The following NKAIN2 variants were observed in gnomAD, a reference collection of about 807,000 sequenced individuals.
The protein encoded by NKAIN2 is sodium/potassium transporting ATPase interacting 2.
In NKAIN2, 14 loss-of-function variants were observed where a neutral mutation model predicts 32.6. That is an observed-to-expected ratio of 0.43 (90% CI 0.28 to 0.67). The LOEUF (loss-of-function observed/expected upper bound fraction) is 0.67. Ranked by LOEUF, NKAIN2 falls within the 30% of genes least tolerant of loss-of-function variation. The probability of loss-of-function intolerance (pLI) is 0.17; values close to 1 mark genes in which losing one functional copy is unlikely to be tolerated. For missense variants in NKAIN2, 198 were observed against 258.3 expected (o/e 0.77, Z 1.60); for synonymous variants, 80 against 87.2 (o/e 0.92, Z 0.46).
intron 1 of NKAIN2, among the ~76,000 whole-genome samples, chr6:124,240,214 A>G (rs1793009537): frequency 6.6e-6 from 1 of 152,188 alleles, no homozygotes; most frequent in African/African-American, 2.4e-5. Context: ...AAATCCCTAA[A>G]TAGACCAATA....
intron 2 of NKAIN2, among the ~76,000 whole-genome samples, chr6:124,305,776 T>C (rs2114988293): frequency 6.6e-6 from 1 of 152,324 alleles, no homozygotes; most frequent in African/African-American, 2.4e-5. Context: ...TTATTTCTGG[T>C]CCATTTGGTT....
At chr6:124,021,948 A>G (rs1436452406) in intron 1 of NKAIN2, among the ~76,000 whole-genome samples, 1 of 152,044 alleles carries the variant, frequency 6.6e-6, no homozygotes, top group Non-Finnish European at 1.5e-5. Flanking sequence ...ACAACGTGCA[A>G]GTTTTTTACA....
At chr6:124,196,801 ATTTAT>A (rs1395620818) in intron 1 of NKAIN2, among the ~76,000 whole-genome samples, 17 of 151,668 alleles carry the variant, frequency 1.1e-4, no homozygotes, top group African/African-American at 3.6e-4. Flanking sequence ...GGTGATTTTA[ATTTAT>A]TTTATAAAAG....
chr6:124,314,538 A>G (rs774505851), intron 2 of NKAIN2, among the ~76,000 whole-genome samples: 4 of 152,146 alleles, frequency 2.6e-5, no homozygotes, highest in Admixed American at 1.3e-4. Context: ...TGATGTTGCA[A>G]ATAAAGCCTG....
Position 124,602,145 on chromosome 6 carries a change from G to T in NKAIN2, c.274-56041G>T, listed in dbSNP as rs1287343626. 2.6e-5 allele frequency among the ~76,000 whole-genome samples: 4 copies of T among 151,920 alleles called. No individual in the cohort carries two copies. The East Asian group carries it at 7.7e-4, about 29-fold the overall frequency. Reference sequence around the variant, plus strand: ...CTAAATGTATGTTGGATGGATTAATGAATAAATTAATGAAGGGAATATAGT... The same window carrying T: ...CTAAATGTATGTTGGATGGATTAATTAATAAATTAATGAAGGGAATATAGT... On this transcript the variant is annotated intron_variant, in intron 3 of 6. Coordinates refer to ENST00000368417, the MANE Select transcript of NKAIN2 (RefSeq NM_001040214.3).
intron 1 of NKAIN2, among the ~76,000 whole-genome samples, chr6:123,861,697 C>T (rs1220206627): frequency 6.6e-6 from 1 of 152,136 alleles, no homozygotes; most frequent in Non-Finnish European, 1.5e-5. Flanking sequence ...TTATCTTCAT[C>T]CGTGTAGAAA....
At chr6:124,547,556 A>G in intron 3 of NKAIN2, among the ~76,000 whole-genome samples, 1 of 152,228 alleles carries the variant, frequency 6.6e-6, no homozygotes, top group East Asian at 1.9e-4. Flanking sequence ...CCAGCAGCTT[A>G]AAAGCAAACC....
chr6:123,876,374 T>G (rs111323108), intron 1 of NKAIN2, among the ~76,000 whole-genome samples: 1 of 152,196 alleles, frequency 6.6e-6, no homozygotes, highest in Non-Finnish European at 1.5e-5. Context: ...CAGCTTTGCA[T>G]ATACATAGCT....
chr6:124,041,674 A>G (rs918060423), intron 1 of NKAIN2, among the ~76,000 whole-genome samples: 1 of 152,098 alleles, frequency 6.6e-6, no homozygotes, highest in Non-Finnish European at 1.5e-5. Context: ...GTTGCTATTA[A>G]TAAAGTAGAA....
intron 4 of NKAIN2, among the ~76,000 whole-genome samples, chr6:124,703,066 A>G (rs1474852002): frequency 1.3e-5 from 2 of 152,100 alleles, no homozygotes; most frequent in Non-Finnish European, 2.9e-5. Context: ...ACTTGTTTCC[A>G]TCATTCTACT....
At chr6:123,946,720 G>C (rs1179447217) in intron 1 of NKAIN2, among the ~76,000 whole-genome samples, 1 of 152,114 alleles carries the variant, frequency 6.6e-6, no homozygotes, top group Non-Finnish European at 1.5e-5. Context: ...TAATTGTTTA[G>C]ATTTCTAGGG....
At chr6:124,130,175 G>T (rs550691321) in intron 1 of NKAIN2, among the ~76,000 whole-genome samples, 1 of 152,270 alleles carries the variant, frequency 6.6e-6, no homozygotes, top group South Asian at 2.1e-4. Context: ...GAGAAAGGTG[G>T]CTACCCAAGG....
chr6:123,833,669 A>G (rs1029414995), intron 1 of NKAIN2, among the ~76,000 whole-genome samples: 35 of 146,954 alleles, frequency 2.4e-4, no homozygotes, highest in African/African-American at 8.3e-4. Flanking sequence ...GGTTGTTCTT[A>G]AGCAAAAGGT....
At chr6:124,456,781 A>G (rs1481274229) in intron 3 of NKAIN2, among the ~76,000 whole-genome samples, 1 of 151,706 alleles carries the variant, frequency 6.6e-6, no homozygotes, top group Non-Finnish European at 1.5e-5. Flanking sequence ...GTATTATTTT[A>G]TGTTATTTTA....
In NKAIN2 at chr6:124,634,684, CTAA is replaced by C. The variant is rs1783704715; in HGVS notation, c.274-23501_274-23499del. On this transcript the variant is annotated intron_variant, in intron 3 of 6. Transcript: ENST00000368417. ...GAAAACCTATTTAATGAAATAATAA[CTAA>C]AAATTTTCCAAGTTTTAGAAGAGAT... Among the ~76,000 whole-genome samples, 4 of 152,040 alleles carry C rather than the reference CTAA, an allele frequency of 2.6e-5. No individual in the cohort carries two copies. The South Asian group carries it at 8.3e-4, about 32-fold the overall frequency.
At chr6:124,198,732 T>C (rs976054057) in intron 1 of NKAIN2, among the ~76,000 whole-genome samples, 3 of 152,120 alleles carry the variant, frequency 2.0e-5, no homozygotes, top group Admixed American at 2.0e-4. Context: ...ATTCTGCTCC[T>C]GCCTGTCTGC....
At position 124,797,169 on chromosome 6, in the gene NKAIN2, CAAAA is replaced by C. The variant is rs563319426; in HGVS notation, c.535+5790_535+5793del. Among the ~76,000 whole-genome samples the C allele has an allele frequency of 5.1e-3, 448 of 87,120 alleles. 1 individual carries two copies. Among genetic ancestry groups the C allele is most frequent in the African/African-American group, 0.02 (430 of 21,464 alleles). 57.2% of individuals were successfully genotyped at this position (87,120 alleles called of 152,430 possible). A position where few individuals can be genotyped will look rare whatever the true frequency, so the allele number is the denominator to read the frequency against. ...AGAAAATATTGCTAATCCATGTTAG[CAAAA>C]AAAAAAAAAAAAAAAAAAATCATCA... is the stretch of plus-strand genomic sequence containing the variant. On this transcript the variant is annotated intron_variant, in intron 5 of 6. Coordinates refer to ENST00000368417, the MANE Select transcript of NKAIN2 (RefSeq NM_001040214.3).
At chr6:124,667,674 G>T (rs1772872618) in intron 4 of NKAIN2, among the ~76,000 whole-genome samples, 1 of 151,926 alleles carries the variant, frequency 6.6e-6, no homozygotes, top group African/African-American at 2.4e-5. Flanking sequence ...TTCTAAACAT[G>T]GTGATAGGAC....
intron 1 of NKAIN2, among the ~76,000 whole-genome samples, chr6:124,152,178 A>C (rs1787759155): frequency 6.6e-6 from 1 of 151,944 alleles, no homozygotes; most frequent in Non-Finnish European, 1.5e-5. Context: ...ACAGATGTCC[A>C]GTTGATCCAA....
Sources: allele counts gnomAD v4.1 joint callset (sites outside exome capture counted in the v4.1 genomes callset), GRCh38; gene constraint gnomAD v4.1.1; transcripts MANE v1.5; gene names NCBI Gene and HGNC (gene_info 2026-07-23, HGNC 2026-07-21).